Variants in EHD4 observed in about 807,000 individuals in gnomAD.
The protein encoded by EHD4 is EH domain-containing protein 4.
EHD4 carries 37 observed loss-of-function variants against 51.0 expected under a neutral mutation model. That is an observed-to-expected ratio of 0.73 (90% confidence interval 0.56 to 0.95). The LOEUF (loss-of-function observed/expected upper bound fraction) is 0.95. Among genes scored for constraint, EHD4 ranks in the 40% least tolerant of loss-of-function variants. The probability of loss-of-function intolerance (pLI) is 0.00; values close to 1 mark genes in which losing one functional copy is unlikely to be tolerated. For synonymous variants in EHD4, 297 were observed against 317.3 expected, an observed-to-expected ratio of 0.94 and a Z score of 0.68; for missense variants, 632 against 733.1, an observed-to-expected ratio of 0.86 and a Z score of 1.59.
chr15:41,957,880 T>C (rs562971038), intron 1 of EHD4, among the ~76,000 whole-genome samples: 25 of 152,214 alleles, frequency 1.6e-4, no homozygotes, highest in Non-Finnish European at 7.4e-5. Context: ...ACCAAGTATC[T>C]GACATGGAAA....
intron 5 of EHD4, among the ~76,000 whole-genome samples, chr15:41,904,367 C>A (rs773840882): frequency 7.2e-5 from 11 of 152,030 alleles, no homozygotes; most frequent in Non-Finnish European, 1.0e-4. Context: ...TGGTCCCCCC[C>A]AGGCTTGACC....
chr15:41,919,226 C>T lies in EHD4; in HGVS notation c.908G>A (p.Arg303Gln), dbSNP rs2067606090. The T allele has an allele frequency of 2.5e-6, 4 of 1,613,858 alleles. No individual in the cohort carries two copies. Among genetic ancestry groups the T allele is most frequent in the African/African-American group, 2.7e-5 (2 of 74,932 alleles). Residue 303 changes from arginine (R) to glutamine (Q), a missense_variant, in exon 4 of 6, where the codon CGA becomes CAA. By Grantham distance (43) the Arg-to-Gln change is conservative. Coordinates refer to ENST00000220325, the MANE Select transcript of EHD4 (RefSeq NM_139265.4). ...AVRKLNDLIK[R>Q]ARLAKVHAYI... is the part of the protein sequence containing the mutation. ...CTGGCTTACCTTGGCCAGCCTCGCT[C>T]GCTTGATGAGGTCGTTGAGCTTGCG...
In EHD4 at chr15:41,951,191, T is replaced by C. The variant is rs1275141873; in HGVS notation, c.413+2573A>G. ...TATGCCTTGATTCCTCCCCCTCCATTGAGGATAACAGTAGCATCATGTCAC... is the reference window on the plus strand; with the variant it reads ...TATGCCTTGATTCCTCCCCCTCCATCGAGGATAACAGTAGCATCATGTCAC... On this transcript the variant is annotated intron_variant, in intron 2 of 5. Coordinates refer to ENST00000220325, the MANE Select transcript of EHD4 (RefSeq NM_139265.4). Among the ~76,000 whole-genome samples the C allele has an allele frequency of 2.6e-5, 4 of 152,268 alleles. No individual in the cohort carries two copies. In the South Asian group the frequency reaches 6.2e-4, roughly 24 times the overall value.
Position 41,972,501 on chromosome 15 carries a change from G to A in EHD4, c.-7C>T, listed in dbSNP as rs1311029641. The A allele has an allele frequency of 6.6e-7, 1 of 1,503,774 alleles. No individual in the cohort carries two copies. The highest frequency in any genetic ancestry group is 8.9e-7 in the Non-Finnish European group (1 of 1,129,512). 93.2% of individuals were successfully genotyped at this position (1,503,774 alleles called of 1,614,324 possible). Reference sequence around the variant, plus strand: ...GCCCCATCCAGCTGAACATCCTGCCGCCAGTCCACGCTCGGATGGGACCCT... The same window carrying A: ...GCCCCATCCAGCTGAACATCCTGCCACCAGTCCACGCTCGGATGGGACCCT... On this transcript the variant is annotated 5_prime_UTR_variant, in exon 1 of 6. Transcript: ENST00000220325.
At chr15:41,926,114 T>C (rs1487503613) in intron 3 of EHD4, 4 of 152,210 alleles carry the variant, frequency 2.6e-5, no homozygotes, top group African/African-American at 9.7e-5. Context: ...CCCAGCACTT[T>C]GGGAGGCCAA....
intron 4 of EHD4, among the ~76,000 whole-genome samples, chr15:41,914,956 T>C (rs868302785): frequency 1.1e-4 from 17 of 152,010 alleles, no homozygotes; most frequent in South Asian, 4.1e-4. Context: ...CAGCTAATTT[T>C]TGTATTTTTT....
chr15:41,949,815 G>A (rs1484018437), intron 2 of EHD4, among the ~76,000 whole-genome samples: 1 of 152,070 alleles, frequency 6.6e-6, no homozygotes, highest in Non-Finnish European at 1.5e-5. Context: ...GGAGACTGAG[G>A]AATAACATAA....
intron 2 of EHD4, among the ~76,000 whole-genome samples, chr15:41,944,682 G>A (rs2067799686): frequency 6.6e-6 from 1 of 152,208 alleles, no homozygotes; most frequent in Admixed American, 6.5e-5. Flanking sequence ...TTTTGCAGGT[G>A]GAAAAGTTGA....
At chr15:41,942,699 G>C in intron 3 of EHD4, 1 of 204,796 alleles carries the variant, frequency 4.9e-6, no homozygotes, top group Non-Finnish European at 1.0e-5. Context: ...CTACCCCACA[G>C]CTTCCCTTAG....
intron 1 of EHD4, among the ~76,000 whole-genome samples, chr15:41,966,187 T>G (rs889455319): frequency 1.3e-5 from 2 of 151,988 alleles, no homozygotes; most frequent in African/African-American, 4.8e-5. Context: ...TGCTGAGAAT[T>G]TGACGCCTCA....
At chr15:41,921,844 A>G (rs2067627630) in intron 3 of EHD4, 1 of 152,190 alleles carries the variant, frequency 6.6e-6, no homozygotes, top group African/African-American at 2.4e-5. Context: ...CCCATTCCTT[A>G]GCAAGCTGGG....
rs910317111 is a variant in EHD4, at chr15:41,899,850, T to A, written c.*795A>T. On this transcript the variant is annotated 3_prime_UTR_variant, in exon 6 of 6. Transcript: ENST00000220325. ...CAGTAAGAAAAGCTAATTTTCAGGCTTCAATGTGATTTGACATGCAAACGG... is the reference window on the plus strand; with the variant it reads ...CAGTAAGAAAAGCTAATTTTCAGGCATCAATGTGATTTGACATGCAAACGG... 6 of 152,248 alleles carry A rather than the reference T, an allele frequency of 3.9e-5. No individual in the cohort carries two copies. Among genetic ancestry groups the A allele is most frequent in the African/African-American group, 1.2e-4 (5 of 41,464 alleles). The allele number at this position is 152,248 out of a possible 1,614,324, so 9.4% of individuals were successfully genotyped here. A position where few individuals can be genotyped will look rare whatever the true frequency, so the allele number is the denominator to read the frequency against.
intron 1 of EHD4, among the ~76,000 whole-genome samples, chr15:41,964,354 G>A (rs913766636): frequency 1.3e-5 from 2 of 152,124 alleles, no homozygotes; most frequent in East Asian, 3.9e-4. Context: ...CCAGCACTTT[G>A]GACTTTGGGA....
At chr15:41,944,440 C>T (rs375747655) in intron 2 of EHD4, among the ~76,000 whole-genome samples, 10 of 152,208 alleles carry the variant, frequency 6.6e-5, no homozygotes, top group Middle Eastern at 3.4e-3. Context: ...TTCTTCCGTA[C>T]GATGGAAGTG....
intron 4 of EHD4, among the ~76,000 whole-genome samples, chr15:41,916,484 C>T (rs2067584289): frequency 6.6e-6 from 1 of 152,200 alleles, no homozygotes; most frequent in Admixed American, 6.5e-5. Flanking sequence ...ACACATAATG[C>T]AGACTACAGA....
At chr15:41,942,800 A>C in intron 3 of EHD4, 1 of 236,444 alleles carries the variant, frequency 4.2e-6, no homozygotes, top group Non-Finnish European at 7.8e-6. Flanking sequence ...GTCCCCTCAC[A>C]CCTCGATACC....
intron 5 of EHD4, among the ~76,000 whole-genome samples, chr15:41,904,136 G>T (rs1179709758): frequency 1.3e-5 from 2 of 152,190 alleles, no homozygotes; most frequent in African/African-American, 4.8e-5. Context: ...ATGAGCCTGC[G>T]CTCAGAGCGC....
Position 41,900,907 on chromosome 15 carries a change from A to T in EHD4, c.1364T>A (p.Phe455Tyr), listed in dbSNP as rs1160571028. The change falls in exon 6 of 6, where the codon TTC (phenylalanine) becomes TAC (tyrosine). Residue 455 changes from phenylalanine (F) to tyrosine (Y), a missense_variant. Coordinates refer to ENST00000220325, the MANE Select transcript of EHD4 (RefSeq NM_139265.4). This position sits in a 1 kb window ranked among gnomAD's most constrained non-coding sequence, Gnocchi z 4.8. ...AKDKPVYDEL[F>Y]YTLSPINGKI... ...GCCATTGATGGGCGACAGAGTGTAG[A>T]AGAGCTCGTCGTAGACGGGCTTGTC... is the stretch of plus-strand genomic sequence containing the variant. 6.2e-7 allele frequency: 1 copy of T among 1,614,008 alleles called. No individual in the cohort carries two copies. The highest frequency in any genetic ancestry group is 1.3e-5 in the African/African-American group (1 of 74,906).
intron 3 of EHD4, among the ~76,000 whole-genome samples, chr15:41,924,950 C>T (rs1416796943): frequency 6.6e-6 from 1 of 151,498 alleles, no homozygotes; most frequent in Admixed American, 6.6e-5. Flanking sequence ...ATCCCAGCTA[C>T]TTGGGAGGCT....
Sources: allele counts gnomAD v4.1 joint callset (sites outside exome capture counted in the v4.1 genomes callset), GRCh38; gene constraint gnomAD v4.1.1; non-coding constraint Gnocchi (gnomAD v3.1); transcripts MANE v1.5; gene names NCBI Gene and HGNC (gene_info 2026-07-23, HGNC 2026-07-21).